The following HEPH variants were observed in gnomAD, a reference collection of about 807,000 sequenced individuals.
HEPH encodes hephaestin.
HEPH carries 69 observed loss-of-function variants against 80.8 expected under a neutral mutation model. The observed-to-expected ratio is 0.85, with a 90% CI of 0.70 to 1.04. The LOEUF is 1.04. Among genes scored for constraint, HEPH ranks in the 50% least tolerant of loss-of-function variants. The pLI is 0.00. For missense variants in HEPH, 1,115 were observed against 891.3 expected (o/e 1.25, Z -3.20); for synonymous variants, 431 against 322.8 (o/e 1.34, Z -3.60).
At chrX:66,265,680 G>T (rs2148260402) in intron 20 of HEPH, among the ~76,000 whole-genome samples, 1 of 111,799 alleles carries the variant, frequency 8.9e-6, no homozygotes, top group Non-Finnish European at 1.9e-5. Context: ...GAAAGATAAG[G>T]AGTAAAGTGT....
chrX:66,233,410 A>G (rs1036608728), intron 15 of HEPH, among the ~76,000 whole-genome samples: 2 of 111,347 alleles, frequency 1.8e-5, no homozygotes, highest in South Asian at 7.5e-4. Context: ...TGGGTCTGTG[A>G]GGAGGCTTTG....
chrX:66,181,837 A>T (rs1220600723), intron 4 of HEPH, among the ~76,000 whole-genome samples: 4 of 96,829 alleles, frequency 4.1e-5, no homozygotes, highest in African/African-American at 1.5e-4. Flanking sequence ...TTTTAGGTCT[A>T]AAGTTTAAAT....
In HEPH at chrX:66,255,036, T is replaced by C. The variant is rs771388167; in HGVS notation, c.2565T>C (p.Gly855=). The C allele has an allele frequency of 5.9e-6, 7 of 1,188,036 alleles. No homozygotes were observed. Among genetic ancestry groups the C allele is most frequent in the Non-Finnish European group, 6.8e-6 (6 of 879,672 alleles). Reference sequence around the variant, plus strand: ...GGAGGTTCCTTGTTACACTTCTAGGTGAGGTGGTCACTTATCAGTGGAACA... The same window carrying C: ...GGAGGTTCCTTGTTACACTTCTAGGCGAGGTGGTCACTTATCAGTGGAACA... ...TTVWPLAAEP[G]EVVTYQWNIP... is the part of the protein sequence containing the mutation. Residue 855 remains glycine, a splice_region_variant and synonymous_variant, in exon 16 of 21, where the codon GGT becomes GGC. Transcript: ENST00000343002.
Position 66,266,993 on chromosome X carries a change from C to A in HEPH, c.*321C>A. ...TTGAAATTTCTAGAAATGTATCCTT[C>A]TCACAAAGTAGAGACCAAGAGAAAA... is the stretch of plus-strand genomic sequence containing the variant. On this transcript the variant is annotated 3_prime_UTR_variant, in exon 21 of 21. Transcript: ENST00000343002. 4.8e-6 allele frequency: 1 copy of A among 208,416 alleles called. No individual in the cohort carries two copies. The highest frequency in any genetic ancestry group is 8.7e-6 in the Non-Finnish European group (1 of 114,671). 17.2% of individuals were successfully genotyped at this position (208,416 alleles called of 1,213,427 possible).
At chrX:66,262,233 G>T (rs189256221) in intron 19 of HEPH, among the ~76,000 whole-genome samples, 12 of 112,239 alleles carry the variant, frequency 1.1e-4, no homozygotes, top group African/African-American at 3.6e-4. Flanking sequence ...TTCTGATAAG[G>T]CAGCAGGGAA....
At chrX:66,247,968 G>T (rs896535178) in intron 15 of HEPH, among the ~76,000 whole-genome samples, 1 of 111,601 alleles carries the variant, frequency 9.0e-6, no homozygotes, top group African/African-American at 3.3e-5. Context: ...AAACTCCTCT[G>T]ATTTGCACCA....
chrX:66,205,118 C>T (rs1440898316), intron 13 of HEPH, among the ~76,000 whole-genome samples: 1 of 111,366 alleles, frequency 9.0e-6, no homozygotes, highest in Non-Finnish European at 1.9e-5. Flanking sequence ...TTAAATCTTT[C>T]TTTTAATTAA....
chrX:66,204,446 T>C (rs5964501), intron 13 of HEPH, among the ~76,000 whole-genome samples: 8,554 of 112,071 alleles, frequency 0.076, 785 homozygotes, highest in African/African-American at 0.26. Flanking sequence ...AAGGTTGAAG[T>C]CTTCCTGCTA....
intron 15 of HEPH, among the ~76,000 whole-genome samples, chrX:66,229,245 T>A (rs1235548080): frequency 1.8e-5 from 2 of 112,262 alleles, no homozygotes; most frequent in African/African-American, 6.5e-5. Context: ...TGTAGATATA[T>A]ATGTGCCATG....
At chrX:66,232,784 G>T (rs1185637327) in intron 15 of HEPH, among the ~76,000 whole-genome samples, 2 of 110,593 alleles carry the variant, frequency 1.8e-5, no homozygotes, top group Non-Finnish European at 3.8e-5. Context: ...TATGATAAAT[G>T]CATATGGTAT....
intron 15 of HEPH, among the ~76,000 whole-genome samples, chrX:66,209,045 G>A (rs1210473462): frequency 9.0e-6 from 1 of 111,054 alleles, no homozygotes; most frequent in Non-Finnish European, 1.9e-5. Flanking sequence ...ACTTACTGGA[G>A]GCCTACTGGG....
intron 15 of HEPH, among the ~76,000 whole-genome samples, chrX:66,243,145 G>A (rs1443940944): frequency 8.9e-6 from 1 of 111,931 alleles, no homozygotes; most frequent in Admixed American, 9.5e-5. Flanking sequence ...TGGTGTACTA[G>A]GCATCCATGA....
At chrX:66,227,557 G>A (rs892919189) in intron 15 of HEPH, among the ~76,000 whole-genome samples, 2 of 111,907 alleles carry the variant, frequency 1.8e-5, no homozygotes, top group African/African-American at 6.5e-5. Context: ...CCTAGAACTG[G>A]TAAATGAATT....
Position 66,238,466 on chromosome X carries a change from G to A in HEPH, c.2564-16569G>A, listed in dbSNP as rs181881082. Among the ~76,000 whole-genome samples the A allele has an allele frequency of 1.4e-4, 16 of 111,341 alleles. No homozygotes were observed. In the Admixed American group the frequency reaches 1.4e-3, roughly 10 times the overall value. On this transcript the variant is annotated intron_variant, in intron 15 of 20. Transcript: ENST00000343002. ...TGGCTGAAGTGCGAGGATCCCTTGAGCCCAGGAATTCAAGGTTGCATGTAG... is the reference window on the plus strand; with the variant it reads ...TGGCTGAAGTGCGAGGATCCCTTGAACCCAGGAATTCAAGGTTGCATGTAG...
chrX:66,194,979 AG>A (rs2088005806), intron 8 of HEPH, 118 bp from the exon 9 acceptor site: 1 of 541,027 alleles, frequency 1.8e-6, no homozygotes. Context: ...TACAAAGAAA[AG>A]TTTTTTATTT....
At position 66,203,499 on chromosome X, in the gene HEPH, T is replaced by C; in HGVS notation, c.2213T>C (p.Met738Thr). 1.7e-6 allele frequency: 2 copies of C among 1,211,531 alleles called. No individual in the cohort carries two copies. Among genetic ancestry groups the C allele is most frequent in the Non-Finnish European group, 2.2e-6 (2 of 895,314 alleles). Residue 738 changes from methionine to threonine, a missense_variant, in exon 13 of 21, where the codon ATG becomes ACG. By Grantham distance (81) the Met-to-Thr change is moderately conservative. Coordinates refer to ENST00000343002, the MANE Select transcript of HEPH (RefSeq NM_001367233.3). ...RYQAARIYYI[M>T]AEEVEWDYCP... is the part of the protein sequence containing the mutation. Reference sequence around the variant, plus strand: ...CAAGCTGCAAGAATCTACTATATCATGGCAGAAGAAGTAGAGTGGGACTAT... The same window carrying C: ...CAAGCTGCAAGAATCTACTATATCACGGCAGAAGAAGTAGAGTGGGACTAT...
intron 15 of HEPH, among the ~76,000 whole-genome samples, chrX:66,222,617 A>G (rs1379232273): frequency 8.9e-6 from 1 of 111,968 alleles, no homozygotes; most frequent in Non-Finnish European, 1.9e-5. Flanking sequence ...TGGTCCACAG[A>G]ATGTTGGGCC....
intron 15 of HEPH, among the ~76,000 whole-genome samples, chrX:66,237,919 G>T (rs1166229186): frequency 8.9e-6 from 1 of 111,926 alleles, no homozygotes; most frequent in African/African-American, 3.3e-5. Flanking sequence ...AGTCTGTTTT[G>T]TCAGAAACTT....
chrX:66,170,840 A>C, intron 2 of HEPH, 103 bp downstream of exon 2: 2 of 695,701 alleles, frequency 2.9e-6, no homozygotes, highest in Non-Finnish European at 4.4e-6. Context: ...GGTAGCAGCC[A>C]GCTCCTGATT....
Sources: allele counts gnomAD v4.1 joint callset (sites outside exome capture counted in the v4.1 genomes callset), GRCh38; gene constraint gnomAD v4.1.1; transcripts MANE v1.5; gene names NCBI Gene and HGNC (gene_info 2026-07-23, HGNC 2026-07-21).